JMJD6: variants seen among roughly 807,000 people sequenced by gnomAD.
JMJD6 encodes jumonji domain containing 6, arginine demethylase and lysine hydroxylase, also known as bifunctional arginine demethylase and lysyl-hydroxylase JMJD6.
JMJD6 carries 17 observed loss-of-function variants against 45.8 expected under a neutral mutation model. The observed-to-expected ratio is 0.37, with a 90% CI of 0.25 to 0.56. The LOEUF (loss-of-function observed/expected upper bound fraction) is 0.56. Ranked by LOEUF, JMJD6 falls within the 20% of genes least tolerant of loss-of-function variation. The pLI is 0.79. For missense variants in JMJD6, 470 were observed against 517.5 expected, an observed-to-expected ratio of 0.91 and a Z score of 0.89; for synonymous variants, 221 against 196.3, an observed-to-expected ratio of 1.13 and a Z score of -1.05.
At chr17:76,716,566 A>C (rs138902785), downstream of JMJD6, 11 of 881,426 alleles carry the variant, frequency 1.2e-5, no homozygotes, top group East Asian at 2.7e-4. Flanking sequence ...GGACCAGGGA[A>C]GGAATATCCA....
downstream of JMJD6, chr17:76,715,506 G>A (rs1294366998): frequency 1.3e-5 from 2 of 152,210 alleles, no homozygotes; most frequent in Non-Finnish European, 2.9e-5. Context: ...AGTGAGCAGA[G>A]ACCTGTATTT....
exon 7 of JMJD6, chr17:76,713,322 T>C (rs1476583272): frequency 6.6e-6 from 1 of 152,260 alleles, no homozygotes; most frequent in East Asian, 1.9e-4. Flanking sequence ...GGTCTTGAAC[T>C]CCTGACCTCA....
chr17:76,721,243 A>C (rs1470885109), intron 4 of JMJD6: 3 of 395,488 alleles, frequency 7.6e-6, no homozygotes, highest in African/African-American at 6.2e-5. Flanking sequence ...GCATGGAACA[A>C]GCCAGAATCC....
rs1374389105 is a variant in JMJD6, at chr17:76,726,456, T to C, written c.20A>G (p.Lys7Arg). The change falls in exon 1 of 6, where the codon AAG (lysine) becomes AGG (arginine). Residue 7 changes from lysine to arginine, a missense_variant. By Grantham distance (26) the Lys-to-Arg change is conservative. Transcript: ENST00000397625. ...ACTCCGCTTGGCCTCGCGGATGCGC[T>C]TCTTGCTCTTGTGGTTCATTCTGCG... MNHKSK[K>R]RIREAKRSAR... 1 of 1,604,470 alleles carries C rather than the reference T, an allele frequency of 6.2e-7. No individual in the cohort carries two copies. Among genetic ancestry groups the C allele is most frequent in the Non-Finnish European group, 8.5e-7 (1 of 1,176,456 alleles).
At chr17:76,722,828 A>G (rs2076842211) in intron 3 of JMJD6, among the ~76,000 whole-genome samples, 1 of 119,738 alleles carries the variant, frequency 8.4e-6, no homozygotes, top group South Asian at 3.1e-4. Flanking sequence ...CCTGGGTGAC[A>G]GAGCGAGACT....
intron 2 of JMJD6, 71 bp from the exon 3 acceptor site, chr17:76,724,129 T>G: frequency 6.5e-7 from 1 of 1,539,138 alleles, no homozygotes; most frequent in South Asian, 1.2e-5. Flanking sequence ...ACAATAAGTT[T>G]TTAGTTTTTC....
At chr17:76,726,003 G>T in intron 1 of JMJD6, 148 bp from the exon 2 acceptor site, 2 of 1,068,266 alleles carry the variant, frequency 1.9e-6, no homozygotes, top group Non-Finnish European at 2.6e-6. Context: ...GGGCGCGTGC[G>T]TGAGGCCACG....
Position 76,718,606 on chromosome 17 carries a change from G to T in JMJD6, c.*123C>A. The T allele has an allele frequency of 6.7e-7, 1 of 1,481,994 alleles. No homozygotes were observed. 91.8% of individuals were successfully genotyped at this position (1,481,994 alleles called of 1,614,324 possible). A position where few individuals can be genotyped will look rare whatever the true frequency, so the allele number is the denominator to read the frequency against. The stretch of plus-strand genomic sequence containing the variant: ...CTAAGTGAATGGGTTCCCGTGCCGA[G>T]GGTGTCCTCATTCTTGGGCTCTGTC... On this transcript the variant is annotated 3_prime_UTR_variant, in exon 6 of 6. Coordinates refer to ENST00000397625, the MANE Select transcript of JMJD6 (RefSeq NM_015167.3).
chr17:76,716,388 G>A (rs956336575), downstream of JMJD6: 3 of 372,812 alleles, frequency 8.0e-6, no homozygotes, highest in East Asian at 1.5e-4. Flanking sequence ...ATCACACCCT[G>A]CCAGCCTTGT....
At chr17:76,715,792 A>G (rs993315543), downstream of JMJD6, 5 of 152,228 alleles carry the variant, frequency 3.3e-5, no homozygotes, top group African/African-American at 9.6e-5. Context: ...TCAATCCCCA[A>G]AAAGTCATCC....
chr17:76,723,997 T>G lies in JMJD6; in HGVS notation c.580A>C (p.Ser194Arg), dbSNP rs1286522978. The G allele has an allele frequency of 2.5e-6, 4 of 1,614,184 alleles. No individual in the cohort carries two copies. Among genetic ancestry groups the G allele is most frequent in the Non-Finnish European group, 3.4e-6 (4 of 1,180,042 alleles). Residue 194 changes from serine (S) to arginine (R), a missense_variant, in exon 3 of 6, where the codon AGT becomes CGT. Around this residue, in one of 4 missense-constraint regions of JMJD6, gnomAD observed 346 missense variants for 339.5 expected, o/e 1.02. Transcript: ENST00000397625. ...CCCTGAACTAAGGCATTCCAGGCAC[T>G]GGTTCCCAGAGGGTCGATGTGAATC... ...TGIHIDPLGT[S>R]AWNALVQGHK...
intron 3 of JMJD6, among the ~76,000 whole-genome samples, chr17:76,722,687 A>G (rs948718004): frequency 2.0e-5 from 3 of 151,880 alleles, no homozygotes; most frequent in Admixed American, 2.0e-4. Context: ...CTCTACTAAA[A>G]TACAAAAAAT....
chr17:76,716,404 A>T (rs547606033), downstream of JMJD6: 4 of 396,930 alleles, frequency 1.0e-5, no homozygotes, highest in African/African-American at 8.1e-5. Context: ...CTTGTGGTTG[A>T]CTGGCTCGGT....
chr17:76,717,442 C>T (rs1385054961), downstream of JMJD6, among the ~76,000 whole-genome samples: 4 of 152,200 alleles, frequency 2.6e-5, no homozygotes, highest in African/African-American at 4.8e-5. Context: ...TAGACAAATG[C>T]AGAGTGAACA....
At chr17:76,716,711 G>A (rs754300167), downstream of JMJD6, 49 of 1,614,006 alleles carry the variant, frequency 3.0e-5, no homozygotes, top group Non-Finnish European at 3.8e-5. Flanking sequence ...GCCTCCACAA[G>A]TGTCCCTAAT....
chr17:76,726,023 G>A (rs1212712764), intron 1 of JMJD6, among the ~76,000 whole-genome samples, 168 bp from the exon 2 acceptor site: 1 of 152,222 alleles, frequency 6.6e-6, no homozygotes, highest in Non-Finnish European at 1.5e-5. Flanking sequence ...GTCGTTCCTA[G>A]AGCCACCCCC....
In JMJD6 at chr17:76,720,471, C is replaced by T; in HGVS notation, c.969G>A (p.Leu323=). The change falls in exon 5 of 6, where the codon TTG becomes TTA. Residue 323 remains leucine (L), a synonymous_variant. Coordinates refer to ENST00000397625, the MANE Select transcript of JMJD6 (RefSeq NM_015167.3). ...GGTCAACCGAGTCTGCGAGGACTGC[C>T]AACTCGGGGTGCTCTTGCTTCAAAA... ...YRILKQEHPE[L]AVLADSVDLQ... 6.2e-7 allele frequency: 1 copy of T among 1,614,090 alleles called. No homozygotes were observed. Among genetic ancestry groups the T allele is most frequent in the Non-Finnish European group, 8.5e-7 (1 of 1,179,968 alleles).
At chr17:76,723,219 T>G (rs13342050) in intron 3 of JMJD6, among the ~76,000 whole-genome samples, 6,401 of 152,120 alleles carry the variant, frequency 0.042, 415 homozygotes, top group African/African-American at 0.14. Flanking sequence ...GTGCTGATAT[T>G]ACAGGTGTGA....
intron 5 of JMJD6, 43 bp downstream of exon 5, chr17:76,720,315 TGA>T: frequency 6.3e-7 from 1 of 1,587,108 alleles, no homozygotes; most frequent in Non-Finnish European, 8.6e-7. Flanking sequence ...CTGAGTTACA[TGA>T]GCCTTGGAGG....
Sources: allele counts gnomAD v4.1 joint callset (sites outside exome capture counted in the v4.1 genomes callset), GRCh38; gene constraint gnomAD v4.1.1; regional missense constraint gnomAD v4.1.1; transcripts MANE v1.5; gene names NCBI Gene and HGNC (gene_info 2026-07-23, HGNC 2026-07-21).